The following ATP8A2 variants were observed in gnomAD, a reference collection of about 807,000 sequenced individuals.
ATP8A2 encodes the protein ATPase phospholipid transporting 8A2.
A neutral mutation model predicts 165.6 loss-of-function variants in ATP8A2; 100 were observed. That is an observed-to-expected ratio of 0.60 (90% CI 0.51 to 0.71). The LOEUF (loss-of-function observed/expected upper bound fraction) is 0.71. ATP8A2 is among the 30% of genes least tolerant of loss of function. ATP8A2 has a pLI of 0.00. For synonymous variants in ATP8A2, 543 were observed against 548.8 expected, an observed-to-expected ratio of 0.99 and a Z score of 0.15; for missense variants, 1,227 against 1,479.5, an observed-to-expected ratio of 0.83 and a Z score of 2.80.
At chr13:25,658,376 A>G (rs956461551) in intron 24 of ATP8A2, among the ~76,000 whole-genome samples, 1 of 152,132 alleles carries the variant, frequency 6.6e-6, no homozygotes, top group Non-Finnish European at 1.5e-5. Context: ...GGTGGCTCAC[A>G]CCGGTAATCC....
chr13:25,932,534 C>T (rs1046964410), intron 33 of ATP8A2, among the ~76,000 whole-genome samples: 11 of 152,178 alleles, frequency 7.2e-5, no homozygotes, highest in African/African-American at 2.2e-4. Context: ...TCAAAGGCTG[C>T]AGGTTTTCTT....
intron 2 of ATP8A2, among the ~76,000 whole-genome samples, chr13:25,508,547 A>G (rs569437252): frequency 3.9e-5 from 6 of 152,360 alleles, no homozygotes; most frequent in Non-Finnish European, 7.4e-5. Flanking sequence ...TTGAGAAAGA[A>G]AAAAATTCAG....
At chr13:25,659,232 A>G (rs1200653291) in intron 24 of ATP8A2, among the ~76,000 whole-genome samples, 1 of 152,194 alleles carries the variant, frequency 6.6e-6, no homozygotes, top group Non-Finnish European at 1.5e-5. Flanking sequence ...TCTATTTAGA[A>G]AAAGTTCTTT....
chr13:25,391,246 G>T (rs184658367), intron 1 of ATP8A2, among the ~76,000 whole-genome samples: 11 of 152,222 alleles, frequency 7.2e-5, no homozygotes, highest in African/African-American at 2.4e-4. Flanking sequence ...AATGAATCCA[G>T]CTCAAGCCTT....
chr13:25,631,013 A>C (rs1421739835), intron 24 of ATP8A2, among the ~76,000 whole-genome samples: 2 of 152,190 alleles, frequency 1.3e-5, no homozygotes, highest in African/African-American at 4.8e-5. Flanking sequence ...CTGTATTGTC[A>C]TAGCTTAATT....
At chr13:25,449,477 T>C (rs543834717) in intron 1 of ATP8A2, among the ~76,000 whole-genome samples, 1 of 152,332 alleles carries the variant, frequency 6.6e-6, no homozygotes, top group African/African-American at 2.4e-5. Context: ...TGAGACTTGT[T>C]GTATGCTATA....
intron 35 of ATP8A2, among the ~76,000 whole-genome samples, chr13:25,993,791 A>G (rs539500725): frequency 6.6e-6 from 1 of 152,214 alleles, no homozygotes; most frequent in South Asian, 2.1e-4. Context: ...CTTCCATTTC[A>G]TTCTTCTTTT....
rs552998130 is a variant in ATP8A2 at position 25,979,621 on chromosome 13, C to G, written c.3377+10942C>G. Among the ~76,000 whole-genome samples, 3 of 152,286 alleles carry G rather than the reference C, an allele frequency of 2.0e-5. No homozygotes were observed. The East Asian group carries it at 5.8e-4, about 29-fold the overall frequency. On this transcript the variant is annotated intron_variant, in intron 35 of 36. Transcript: ENST00000381655. ...CATAGCAAATAGAACCAGTGATTGG[C>G]CTAATGTGGGGCGAGTCATTTATGT...
chr13:25,468,556 C>A (rs907011275), intron 1 of ATP8A2, among the ~76,000 whole-genome samples: 1 of 152,206 alleles, frequency 6.6e-6, no homozygotes, highest in South Asian at 2.1e-4. Flanking sequence ...GCTCAGTTCC[C>A]GGGACTAGAG....
intron 25 of ATP8A2, among the ~76,000 whole-genome samples, chr13:25,760,079 C>T (rs1274210766): frequency 6.6e-6 from 1 of 152,160 alleles, no homozygotes. Flanking sequence ...GGGTGTCCTC[C>T]TGTTTTTCTG....
intron 33 of ATP8A2, among the ~76,000 whole-genome samples, chr13:25,899,960 G>C (rs549286812): frequency 6.6e-6 from 1 of 152,122 alleles, no homozygotes; most frequent in African/African-American, 2.4e-5. Flanking sequence ...TGGGAGTCAG[G>C]TGGACATGAG....
At chr13:25,856,874 G>A (rs556884854) in intron 30 of ATP8A2, among the ~76,000 whole-genome samples, 2 of 152,270 alleles carry the variant, frequency 1.3e-5, no homozygotes, top group South Asian at 4.1e-4. Flanking sequence ...GTTATAACAC[G>A]ACTAGTATCA....
chr13:25,631,969 C>T (rs35093776), intron 24 of ATP8A2, among the ~76,000 whole-genome samples: 56,379 of 151,958 alleles, frequency 0.37, 11,320 homozygotes, highest in Middle Eastern at 0.49. Context: ...ATTAAGGGCT[C>T]AGCCCCACAA....
chr13:25,574,388 T>C (rs577914411), intron 18 of ATP8A2, among the ~76,000 whole-genome samples: 8 of 152,366 alleles, frequency 5.3e-5, no homozygotes, highest in South Asian at 4.1e-4. Context: ...TTTCCTGATA[T>C]GCATACATTT....
chr13:25,957,757 A>T (rs1033985272), intron 33 of ATP8A2, among the ~76,000 whole-genome samples: 18 of 152,190 alleles, frequency 1.2e-4, no homozygotes, highest in African/African-American at 4.3e-4. Flanking sequence ...CAGCAATTCC[A>T]TTCCTGGGTA....
chr13:25,844,790 C>G (rs1301472986), intron 30 of ATP8A2, among the ~76,000 whole-genome samples: 1 of 152,130 alleles, frequency 6.6e-6, no homozygotes, highest in African/African-American at 2.4e-5. Context: ...TCATTTCCCA[C>G]TTGATACCTT....
intron 13 of ATP8A2, among the ~76,000 whole-genome samples, chr13:25,557,601 C>G (rs1031698097): frequency 2.0e-5 from 3 of 152,156 alleles, no homozygotes; most frequent in Non-Finnish European, 2.9e-5. Context: ...GTGTCCATTT[C>G]TCTCTGGAGA....
chr13:25,539,562 A>G (rs983261487), intron 7 of ATP8A2, among the ~76,000 whole-genome samples: 3 of 152,094 alleles, frequency 2.0e-5, no homozygotes, highest in African/African-American at 4.8e-5. Flanking sequence ...ATAACCCTGG[A>G]TAGCCTTCTT....
Position 25,943,679 on chromosome 13 carries a change from T to C in ATP8A2, c.3184-17896T>C, listed in dbSNP as rs78562295. On this transcript the variant is annotated intron_variant, in intron 33 of 36. Transcript: ENST00000381655. ...TTTGTAACCTGTCGATCTCTGCCTG[T>C]ATGATTTGAAAACGAATGTTATTTT... 6.4e-3 allele frequency among the ~76,000 whole-genome samples: 979 copies of C among 152,364 alleles called. 11 individuals carry two copies. Among genetic ancestry groups the C allele is most frequent in the African/African-American group, 0.023 (942 of 41,580 alleles).
Sources: gnomAD v4.1 joint callset for allele counts (sites outside exome capture counted in the v4.1 genomes callset) on GRCh38, gnomAD v4.1.1 for gene constraint, MANE v1.5 for transcripts, NCBI Gene and HGNC (gene_info 2026-07-23, HGNC 2026-07-21) for gene names.